The following TRDN variants were observed in gnomAD, a reference collection of about 807,000 sequenced individuals.
The protein encoded by TRDN is triadin.
A neutral mutation model predicts 149.7 loss-of-function variants in TRDN; 161 were observed. The observed-to-expected ratio is 1.08, with a 90% CI of 0.95 to 1.23. TRDN has a LOEUF of 1.23. Among genes scored for constraint, TRDN ranks in the 50% most tolerant of loss-of-function variants. The probability of loss-of-function intolerance (pLI) is 0.00; values close to 1 mark genes in which losing one functional copy is unlikely to be tolerated. For missense variants in TRDN, 896 were observed against 823.5 expected (o/e 1.09, Z -1.08); for synonymous variants, 294 against 250.5 (o/e 1.17, Z -1.64).
Position 123,421,805 on chromosome 6 carries a change from CA to C in TRDN, c.1051+16257del, listed in dbSNP as rs56022131. Among the ~76,000 whole-genome samples, 481 of 92,638 alleles carry C rather than the reference CA, an allele frequency of 5.2e-3. 3 individuals are homozygous for C. The highest frequency in any genetic ancestry group is 0.014 in the Middle Eastern group (2 of 142). 60.8% of individuals were successfully genotyped at this position (92,638 alleles called of 152,430 possible). On this transcript the variant is annotated intron_variant, in intron 12 of 40. Coordinates refer to ENST00000334268, the MANE Select transcript of TRDN (RefSeq NM_006073.4). ...TCAACAGAGTGAGACCCTTTCTCTA[CA>C]AAAAAAAAAAAAAAAAAATTGGCCC...
At chr6:123,606,431 T>A (rs115211898) in intron 1 of TRDN, among the ~76,000 whole-genome samples, 4,688 of 152,152 alleles carry the variant, frequency 0.031, 209 homozygotes, top group African/African-American at 0.1. Flanking sequence ...TGTGTGTGTA[T>A]GTGTGTGATG....
chr6:123,240,008 A>G (rs1337168619), intron 38 of TRDN, among the ~76,000 whole-genome samples: 1 of 152,040 alleles, frequency 6.6e-6, no homozygotes, highest in Admixed American at 6.6e-5. Context: ...CATAACATTA[A>G]GTAAAAAATT....
chr6:123,572,770 T>C (rs1158284627), intron 1 of TRDN, among the ~76,000 whole-genome samples: 1 of 152,110 alleles, frequency 6.6e-6, no homozygotes, highest in African/African-American at 2.4e-5. Context: ...AAGAATTACA[T>C]GCCAAGAAAG....
chr6:123,257,211 C>T (rs906674885), intron 35 of TRDN, among the ~76,000 whole-genome samples: 1 of 152,054 alleles, frequency 6.6e-6, no homozygotes, highest in Non-Finnish European at 1.5e-5. Flanking sequence ...ATCTCTTGAC[C>T]TCGTGATCCG....
chr6:123,349,513 C>T, intron 21 of TRDN: 1 of 898,758 alleles, frequency 1.1e-6, no homozygotes, highest in Non-Finnish European at 1.3e-6. Flanking sequence ...TGAGGGTCAA[C>T]AGCATGACTT....
At chr6:123,536,967 T>C (rs868233534) in intron 4 of TRDN, among the ~76,000 whole-genome samples, 34 of 152,178 alleles carry the variant, frequency 2.2e-4, no homozygotes, top group South Asian at 1.4e-3. Flanking sequence ...TTTTTTCATG[T>C]ACTGTTTTTT....
chr6:123,340,528 C>G (rs1016060642), intron 21 of TRDN, among the ~76,000 whole-genome samples: 3 of 151,996 alleles, frequency 2.0e-5, no homozygotes, highest in Non-Finnish European at 4.4e-5. Flanking sequence ...AATTATCAGG[C>G]AGTTAAGATC....
intron 2 of TRDN, among the ~76,000 whole-genome samples, chr6:123,566,619 A>G (rs1315724924): frequency 6.6e-6 from 1 of 152,188 alleles, no homozygotes; most frequent in East Asian, 1.9e-4. Flanking sequence ...GGCCTTCCAA[A>G]TCATTTCCAG....
chr6:123,258,877 T>C (rs898960615), intron 35 of TRDN, among the ~76,000 whole-genome samples: 1 of 152,214 alleles, frequency 6.6e-6, no homozygotes, highest in Non-Finnish European at 1.5e-5. Flanking sequence ...AGGGTGTGTG[T>C]ATCCAGAAAT....
intron 24 of TRDN, among the ~76,000 whole-genome samples, chr6:123,286,659 C>T (rs1352139112): frequency 2.0e-5 from 3 of 151,880 alleles, no homozygotes; most frequent in Admixed American, 6.6e-5. Flanking sequence ...ACCACCCGTT[C>T]CCCCAAAACC....
At chr6:123,634,344 G>A (rs924166046) in intron 1 of TRDN, among the ~76,000 whole-genome samples, 1 of 151,916 alleles carries the variant, frequency 6.6e-6, no homozygotes. Context: ...CTGATGCTGA[G>A]GTAGAAAGAT....
chr6:123,479,424 A>G lies in TRDN; in HGVS notation c.854-14441T>C, dbSNP rs113408883. Among the ~76,000 whole-genome samples, 1,447 of 152,364 alleles carry G rather than the reference A, an allele frequency of 9.5e-3. 22 individuals carry two copies. Among genetic ancestry groups the G allele is most frequent in the African/African-American group, 0.034 (1,396 of 41,584 alleles). ...TCTACTAACATATAGCACTTGTAAT[A>G]TATTCTGAATATCTATAATTCCCCA... On this transcript the variant is annotated intron_variant, in intron 9 of 40. Coordinates refer to ENST00000334268, the MANE Select transcript of TRDN (RefSeq NM_006073.4).
intron 9 of TRDN, among the ~76,000 whole-genome samples, chr6:123,492,789 A>G (rs1375945406): frequency 6.6e-6 from 1 of 152,180 alleles, no homozygotes; most frequent in Non-Finnish European, 1.5e-5. Context: ...GATGTTGCAA[A>G]TAATGTCTGT....
rs1322697167 is a variant in TRDN, at chr6:123,279,091, A to G, written c.1511-9T>C. The G allele has an allele frequency of 2.5e-6, 4 of 1,604,894 alleles. No individual in the cohort carries two copies. Among genetic ancestry groups the G allele is most frequent in the East Asian group, 2.2e-5 (1 of 44,502 alleles). ...AGGCTTGACTTCTTTGCCTAGAAAA[A>G]AGTAAAAAAATTATTAAAGGCTGAG... is the stretch of plus-strand genomic sequence containing the variant. On this transcript the variant is annotated splice_polypyrimidine_tract_variant and intron_variant, in intron 24 of 40. Transcript: ENST00000334268.
intron 1 of TRDN, among the ~76,000 whole-genome samples, chr6:123,593,355 G>A (rs1783883012): frequency 6.6e-6 from 1 of 152,118 alleles, no homozygotes; most frequent in South Asian, 2.1e-4. Context: ...CTTATGAGTA[G>A]GGCTTAACAA....
intron 10 of TRDN, among the ~76,000 whole-genome samples, chr6:123,443,152 T>C (rs975164648): frequency 6.6e-6 from 1 of 151,628 alleles, no homozygotes; most frequent in Admixed American, 6.6e-5. Flanking sequence ...TTGATATGGC[T>C]TAAAATTGTT....
chr6:123,593,636 T>A (rs1398935493), intron 1 of TRDN, among the ~76,000 whole-genome samples: 1 of 152,222 alleles, frequency 6.6e-6, no homozygotes, highest in Non-Finnish European at 1.5e-5. Context: ...TTCCTCTATG[T>A]GTTTCTGTCT....
At position 123,349,377 on chromosome 6, in the gene TRDN, C is replaced by A. The variant is rs558466823; in HGVS notation, c.1369+3162G>T. ...TCCGAAGCCCATGCTATGCCCCTCA[C>A]ACCCATTCCCCAGCGCCTGGCCAGT... On this transcript the variant is annotated intron_variant, in intron 21 of 40. Coordinates refer to ENST00000334268, the MANE Select transcript of TRDN (RefSeq NM_006073.4). 1.1e-5 allele frequency: 3 copies of A among 273,948 alleles called. No homozygotes were observed. In the South Asian group the frequency reaches 4.2e-4, roughly 38 times the overall value. 17.0% of individuals were successfully genotyped at this position (273,948 alleles called of 1,614,324 possible). A position where few individuals can be genotyped will look rare whatever the true frequency, so the allele number is the denominator to read the frequency against.
chr6:123,311,400 G>C (rs1423733693), intron 24 of TRDN, among the ~76,000 whole-genome samples: 1 of 151,964 alleles, frequency 6.6e-6, no homozygotes, highest in East Asian at 1.9e-4. Context: ...TGGGGATACA[G>C]AGCCAAGCCA....
Sources: allele counts gnomAD v4.1 joint callset (sites outside exome capture counted in the v4.1 genomes callset), GRCh38; gene constraint gnomAD v4.1.1; transcripts MANE v1.5; gene names NCBI Gene and HGNC (gene_info 2026-07-23, HGNC 2026-07-21).